The following EPM2A variants were observed in gnomAD, a reference collection of about 807,000 sequenced individuals.
EPM2A encodes the protein laforin.
Under a neutral mutation model 26.5 loss-of-function variants are expected in EPM2A, and 21 were observed. That is an observed-to-expected ratio of 0.79 (90% CI 0.56 to 1.14). EPM2A has a LOEUF of 1.14. Among genes scored for constraint, EPM2A ranks in the 50% most tolerant of loss-of-function variants. EPM2A has a pLI of 0.00. For synonymous variants in EPM2A, 217 were observed against 177.6 expected, an observed-to-expected ratio of 1.22 and a Z score of -1.76; for missense variants, 458 against 440.8, an observed-to-expected ratio of 1.04 and a Z score of -0.35.
At chr6:145,560,312 C>T (rs1780787586) in intron 2 of EPM2A, among the ~76,000 whole-genome samples, 1 of 152,068 alleles carries the variant, frequency 6.6e-6, no homozygotes, top group Admixed American at 6.6e-5. Flanking sequence ...GCATATGAGT[C>T]ATAGAGCATT....
intron 2 of EPM2A, among the ~76,000 whole-genome samples, chr6:145,544,223 G>T (rs1426008498): frequency 6.6e-6 from 1 of 152,150 alleles, no homozygotes; most frequent in African/African-American, 2.4e-5. Context: ...GCCACAGCAA[G>T]CTTGCTGCTC....
chr6:145,587,307 A>G (rs1336788481), intron 2 of EPM2A, among the ~76,000 whole-genome samples: 1 of 152,124 alleles, frequency 6.6e-6, no homozygotes, highest in Non-Finnish European at 1.5e-5. Context: ...TCTATTTTGT[A>G]CTCATTTTAT....
intron 1 of EPM2A, among the ~76,000 whole-genome samples, chr6:145,704,674 A>G (rs1003997662): frequency 6.6e-6 from 1 of 152,176 alleles, no homozygotes; most frequent in Admixed American, 6.5e-5. Flanking sequence ...CCTCCTAAAA[A>G]GCCTTTGACA....
intron 2 of EPM2A, among the ~76,000 whole-genome samples, chr6:145,556,377 C>T (rs1242787775): frequency 6.6e-6 from 1 of 152,084 alleles, no homozygotes; most frequent in Non-Finnish European, 1.5e-5. Flanking sequence ...AGAGAACTTG[C>T]AAAGGTTACT....
At chr6:145,490,701 T>G in intron 4 of EPM2A, 1 of 580,484 alleles carries the variant, frequency 1.7e-6, no homozygotes, top group Non-Finnish European at 3.3e-6. Flanking sequence ...GATAAAACAA[T>G]TTAAATGAAC....
At chr6:145,509,361 A>T (rs1780022147) in intron 2 of EPM2A, among the ~76,000 whole-genome samples, 3 of 152,184 alleles carry the variant, frequency 2.0e-5, no homozygotes, top group African/African-American at 4.8e-5. Context: ...ATTATCCTTA[A>T]AGGGGAACCC....
intron 2 of EPM2A, among the ~76,000 whole-genome samples, chr6:145,536,247 TTTTTTG>T (rs145241349): frequency 0.011 from 725 of 65,520 alleles, 8 homozygotes; most frequent in African/African-American, 0.025. Context: ...CCCAGGTTGG[TTTTTTG>T]TTTTTGTTTT....
At chr6:145,727,656 T>G (rs1776279621) in intron 1 of EPM2A, among the ~76,000 whole-genome samples, 1 of 152,206 alleles carries the variant, frequency 6.6e-6, no homozygotes, top group Admixed American at 6.5e-5. Context: ...TACAATCTGG[T>G]AGGAGACAAA....
chr6:145,420,582 C>A (rs1339335685), intron 4 of EPM2A, among the ~76,000 whole-genome samples: 1 of 152,104 alleles, frequency 6.6e-6, no homozygotes, highest in Admixed American at 6.6e-5. Context: ...CCGTGAACAT[C>A]CACTTAGAAA....
chr6:145,491,366 T>C (rs1214139656), intron 4 of EPM2A, among the ~76,000 whole-genome samples: 1 of 152,040 alleles, frequency 6.6e-6, no homozygotes, highest in African/African-American at 2.4e-5. Context: ...TGCTTTTGGG[T>C]GCTGGCAGGA....
At chr6:145,672,280 A>C (rs1162626790) in intron 2 of EPM2A, among the ~76,000 whole-genome samples, 2 of 152,178 alleles carry the variant, frequency 1.3e-5, no homozygotes, top group Non-Finnish European at 2.9e-5. Context: ...ATCTTTCACC[A>C]AATTCTTGAC....
intron 2 of EPM2A, chr6:145,671,307 G>A: frequency 1.9e-6 from 2 of 1,033,994 alleles, no homozygotes; most frequent in Non-Finnish European, 2.3e-6. Flanking sequence ...TGTAGAGCTG[G>A]ACTCTTGAGT....
chr6:145,693,916 G>C lies in EPM2A; in HGVS notation c.302-7620C>G, dbSNP rs182201291. ...AATGTGTAGGAGTAAGGGAACTGCT[G>C]TCTGGCACTCCAATTAAAGCCACAG... On this transcript the variant is annotated intron_variant, in intron 1 of 3. Coordinates refer to ENST00000367519, the MANE Select transcript of EPM2A (RefSeq NM_005670.4). Among the ~76,000 whole-genome samples, 198 of 152,050 alleles carry C rather than the reference G, an allele frequency of 1.3e-3. 4 individuals carry two copies. The highest frequency in any genetic ancestry group is 0.013 in the Admixed American group (197 of 15,268).
rs1775783856 is a variant in EPM2A, at chr6:145,625,981, T to C, written c.*1435A>G. Reference sequence around the variant, plus strand: ...TCACTTCATCTATTTATTCATCATGTGACAATAGACAGTTGAGTTAACCCT... The same window carrying C: ...TCACTTCATCTATTTATTCATCATGCGACAATAGACAGTTGAGTTAACCCT... On this transcript the variant is annotated 3_prime_UTR_variant, in exon 4 of 4. Transcript: ENST00000367519. The C allele has an allele frequency of 1.7e-6, 2 of 1,190,092 alleles. No homozygotes were observed. Among genetic ancestry groups the C allele is most frequent in the Non-Finnish European group, 2.2e-6 (2 of 893,024 alleles). 73.7% of individuals were successfully genotyped at this position (1,190,092 alleles called of 1,614,324 possible).
At chr6:145,713,428 G>A (rs1374162909) in intron 1 of EPM2A, among the ~76,000 whole-genome samples, 1 of 152,138 alleles carries the variant, frequency 6.6e-6, no homozygotes, top group African/African-American at 2.4e-5. Context: ...ACACATATGT[G>A]TGTACAGAAG....
intron 2 of EPM2A, among the ~76,000 whole-genome samples, chr6:145,606,958 C>T (rs1562400565): frequency 1.3e-5 from 2 of 152,202 alleles, no homozygotes; most frequent in Non-Finnish European, 2.9e-5. Flanking sequence ...TTAAGGATAA[C>T]CAATCAGAAG....
At chr6:145,388,798 A>G (rs1406443036) in intron 4 of EPM2A, among the ~76,000 whole-genome samples, 1 of 152,092 alleles carries the variant, frequency 6.6e-6, no homozygotes, top group Non-Finnish European at 1.5e-5. Flanking sequence ...TTTGCTGAGA[A>G]TGATGGTTTC....
chr6:145,544,055 T>C lies in EPM2A; in HGVS notation c.341-41480A>G, dbSNP rs75343662. On this transcript the variant is annotated intron_variant, in intron 2 of 3. Coordinates refer to the EPM2A transcript ENST00000450221. Reference sequence around the variant, plus strand: ...AGCTTCTGGTCAGTCTCATGGTGACTGAGCTCTGCTGAAAGAAAATGGACA... The same window carrying C: ...AGCTTCTGGTCAGTCTCATGGTGACCGAGCTCTGCTGAAAGAAAATGGACA... Among the ~76,000 whole-genome samples, 787 of 152,350 alleles carry C rather than the reference T, an allele frequency of 5.2e-3. 1 individual carries two copies. The highest frequency in any genetic ancestry group is 8.1e-3 in the Non-Finnish European group (551 of 68,036).
chr6:145,689,726 C>G (rs1461712453), intron 1 of EPM2A, among the ~76,000 whole-genome samples: 1 of 152,194 alleles, frequency 6.6e-6, no homozygotes, highest in African/African-American at 2.4e-5. Context: ...CCAGCAAAGG[C>G]CAAGCATGGG....
Sources: allele counts gnomAD v4.1 joint callset (sites outside exome capture counted in the v4.1 genomes callset), GRCh38; gene constraint gnomAD v4.1.1; transcripts MANE v1.5; gene names NCBI Gene and HGNC (gene_info 2026-07-23, HGNC 2026-07-21).